Variants in SMO observed in about 807,000 individuals in gnomAD.
SMO encodes the protein protein smoothened.
In SMO, 40 loss-of-function variants were observed where a neutral mutation model predicts 81.6. The ratio of observed to expected loss-of-function variants is 0.49; its 90% CI spans 0.38 to 0.64. The LOEUF is 0.64. Ranked by LOEUF, SMO falls within the 30% of genes least tolerant of loss-of-function variation. SMO has a pLI of 0.00. For synonymous variants in SMO, 434 were observed against 432.1 expected (o/e 1.00, Z -0.05); for missense variants, 916 against 1,061.1 (o/e 0.86, Z 1.90).
chr7:129,211,794 G>A lies in SMO; in HGVS notation c.1936+24G>A, dbSNP rs1793874086. On this transcript the variant is annotated intron_variant, in intron 11 of 11. Coordinates refer to ENST00000249373, the MANE Select transcript of SMO (RefSeq NM_005631.5). This position sits in a 1 kb window ranked among gnomAD's most constrained non-coding sequence, Gnocchi z 4.6. ...AGGTATGAGAGTTCAAGCTTCTGGA[G>A]GAAGGTGGGGGGAGCACAGAGGCTG... 6.2e-7 allele frequency: 1 copy of A among 1,613,606 alleles called. No homozygotes were observed. The highest frequency in any genetic ancestry group is 8.5e-7 in the Non-Finnish European group (1 of 1,179,768).
intron 1 of SMO, among the ~76,000 whole-genome samples, chr7:129,195,895 G>T (rs537325787): frequency 3.3e-5 from 5 of 151,852 alleles, no homozygotes; most frequent in African/African-American, 4.8e-5. Context: ...AGGTCAGGAA[G>T]TCGAGACCAT....
rs377132312 is a variant in SMO, at chr7:129,195,997, A to G, written c.331+6515A>G. On this transcript the variant is annotated intron_variant, in intron 1 of 11. Transcript: ENST00000249373. ...GCGCCTGTAGTCCCAGCTACTCGGG[A>G]GGCTGAGGCAGGAAAATGGTGTGAA... 7.7e-4 allele frequency among the ~76,000 whole-genome samples: 116 copies of G among 150,756 alleles called. 1 individual carries two copies. In the South Asian group the frequency reaches 0.019, roughly 25 times the overall value.
chr7:129,196,462 T>C (rs1793581460), intron 1 of SMO, among the ~76,000 whole-genome samples: 1 of 151,978 alleles, frequency 6.6e-6, no homozygotes, highest in Non-Finnish European at 1.5e-5. Context: ...TGTGTTTTAA[T>C]ATAAAAATAC....
chr7:129,191,500 T>C (rs1276873254), intron 1 of SMO, among the ~76,000 whole-genome samples: 1 of 152,020 alleles, frequency 6.6e-6, no homozygotes, highest in Non-Finnish European at 1.5e-5. Flanking sequence ...TGTTTCCATA[T>C]GTGTTCTGGT....
rs1222449551 is a variant in SMO, at chr7:129,188,721, G to T, written c.-431G>T. Among the ~76,000 whole-genome samples, 2 of 152,108 alleles carry T rather than the reference G, an allele frequency of 1.3e-5. No individual in the cohort carries two copies. Among genetic ancestry groups the T allele is most frequent in the South Asian group, 4.1e-4 (2 of 4,828 alleles). ...GGGGCTGCGGCGCGCTGGGGCGAAG[G>T]TGGCTGCTGGGCCGCGGGCTGGCGC... On this transcript the variant is annotated 5_prime_UTR_variant, in exon 1 of 12. Transcript: ENST00000249373. The surrounding 1 kb of genome is among the most constrained non-coding windows in gnomAD (Gnocchi z 4.9).
chr7:129,212,338 A>G lies in SMO; in HGVS notation c.2251A>G (p.Ser751Gly), dbSNP rs2150657128. Residue 751 changes from serine to glycine, a missense_variant, in exon 12 of 12, where the codon AGT becomes GGT. This residue lies in a region of SMO where 324 missense variants were observed against 312.9 expected (regional missense o/e 1.04). Transcript: ENST00000249373. This position sits in a 1 kb window ranked among gnomAD's most constrained non-coding sequence, Gnocchi z 5.0. Reference sequence around the variant, plus strand: ...TCCCCCTCAGGATCCATTTCTGCCCAGTGCACCGGCCCCCGTGGCATGGGC... The same window carrying G: ...TCCCCCTCAGGATCCATTTCTGCCCGGTGCACCGGCCCCCGTGGCATGGGC... ...PSPPQDPFLPSAPAPVAWAHG... is the reference protein window; with the variant it reads ...PSPPQDPFLPGAPAPVAWAHG... 6.2e-7 allele frequency: 1 copy of G among 1,614,158 alleles called. No individual in the cohort carries two copies.
At chr7:129,203,950 G>A (rs4731563) in intron 2 of SMO, among the ~76,000 whole-genome samples, 3 of 152,042 alleles carry the variant, frequency 2.0e-5, no homozygotes, top group South Asian at 2.1e-4. Flanking sequence ...GACAGGGGAC[G>A]TGAGCTAGTT....
Position 129,203,632 on chromosome 7 carries a change from C to T in SMO, c.537+43C>T, listed in dbSNP as rs1394668209. The T allele has an allele frequency of 2.6e-6, 4 of 1,510,960 alleles. No homozygotes were observed. In the African/African-American group the frequency reaches 4.1e-5, roughly 15 times the overall value. 93.6% of individuals were successfully genotyped at this position (1,510,960 alleles called of 1,614,324 possible). On this transcript the variant is annotated intron_variant, in intron 2 of 11. Transcript: ENST00000249373. ...CAAGGTCCAGGCTCTCTGGGTTGGG[C>T]AGGACCGGGTATAGGGCAGGGTCCA...
chr7:129,205,159 C>T, intron 2 of SMO, 44 bp from the exon 3 acceptor site: 1 of 1,558,948 alleles, frequency 6.4e-7, no homozygotes, highest in East Asian at 2.2e-5. Context: ...AGAGGCTCGT[C>T]CCTGAGCTGC....
chr7:129,196,878 A>T (rs1018089504), intron 1 of SMO, among the ~76,000 whole-genome samples: 4 of 151,924 alleles, frequency 2.6e-5, no homozygotes, highest in Admixed American at 6.6e-5. Context: ...TTAGTCGGGC[A>T]TGGTGGCGGG....
intron 7 of SMO, 194 bp downstream of exon 7, chr7:129,209,045 A>C (rs768765017): frequency 1.1e-5 from 7 of 617,732 alleles, no homozygotes; most frequent in Non-Finnish European, 2.0e-5. Flanking sequence ...GGAAGAATTC[A>C]GTCAAGTTCA....
intron 8 of SMO, chr7:129,209,735 A>G (rs189834333): frequency 1.1e-5 from 3 of 276,948 alleles, no homozygotes; most frequent in Admixed American, 4.7e-5. Context: ...AGCCTGCTTT[A>G]GATCCTGGCA....
rs1267466056 is a variant in SMO at position 129,213,327 on chromosome 7, TGAG to T, written c.*878_*880del. The T allele has an allele frequency of 4.3e-6, 1 of 232,796 alleles. No homozygotes were observed. The highest frequency in any genetic ancestry group is 8.5e-6 in the Non-Finnish European group (1 of 117,832). 14.4% of individuals were successfully genotyped at this position (232,796 alleles called of 1,614,324 possible). On this transcript the variant is annotated 3_prime_UTR_variant, in exon 12 of 12. Coordinates refer to ENST00000249373, the MANE Select transcript of SMO (RefSeq NM_005631.5). ...TAGTGGGGGATGGGTCCTCTAGACT[TGAG>T]GGGCTACCCTGGGAAGCTGCCGTAG...
intron 4 of SMO, 83 bp downstream of exon 4, chr7:129,205,865 T>C (rs1014991009): frequency 7.1e-6 from 9 of 1,276,410 alleles, no homozygotes; most frequent in Non-Finnish European, 9.9e-6. Flanking sequence ...CAGGTGCGTG[T>C]AAAACCGAGA....
Position 129,211,358 on chromosome 7 carries a change from C to G in SMO, c.1801+245C>G, listed in dbSNP as rs1400141253. 2 of 707,938 alleles carry G rather than the reference C, an allele frequency of 2.8e-6. No homozygotes were observed. Among genetic ancestry groups the G allele is most frequent in the Non-Finnish European group, 5.1e-6 (2 of 391,318 alleles). The allele number at this position is 707,938 out of a possible 1,614,324, so 43.9% of individuals were successfully genotyped here. ...TTGGGTTCCAAGAAGACTCCCCTCC[C>G]TCTCCCTTCTCATAAATTCTCCAGT... On this transcript the variant is annotated intron_variant, in intron 10 of 11. Transcript: ENST00000249373. The surrounding 1 kb of genome is among the most constrained non-coding windows in gnomAD (Gnocchi z 4.6).
chr7:129,209,463 C>T (rs1025212304), intron 8 of SMO, 66 bp downstream of exon 8: 21 of 1,020,014 alleles, frequency 2.1e-5, no homozygotes, highest in Non-Finnish European at 2.8e-5. Context: ...ACACCCACCT[C>T]CACCCACCGG....
intron 1 of SMO, among the ~76,000 whole-genome samples, chr7:129,199,972 C>T (rs755665547): frequency 6.6e-6 from 1 of 152,128 alleles, no homozygotes; most frequent in Non-Finnish European, 1.5e-5. Context: ...AGGAAATTAG[C>T]TCTTGTGATA....
chr7:129,200,892 C>T (rs1193250975), intron 1 of SMO, among the ~76,000 whole-genome samples: 7 of 152,158 alleles, frequency 4.6e-5, no homozygotes, highest in East Asian at 1.9e-4. Context: ...TGGACCACCA[C>T]GCCTGGTTAA....
chr7:129,211,884 A>G lies in SMO; in HGVS notation c.1936+114A>G. 2 of 1,463,124 alleles carry G rather than the reference A, an allele frequency of 1.4e-6. No individual in the cohort carries two copies. The highest frequency in any genetic ancestry group is 1.2e-5 in the South Asian group (1 of 85,090). 90.6% of individuals were successfully genotyped at this position (1,463,124 alleles called of 1,614,324 possible). ...GAGGAAGAGGAAGGAAAGGCCCCAGAGGATCTGAAGAGTGGGGCTGAGGCT... is the reference window on the plus strand; with the variant it reads ...GAGGAAGAGGAAGGAAAGGCCCCAGGGGATCTGAAGAGTGGGGCTGAGGCT... On this transcript the variant is annotated intron_variant, in intron 11 of 11. Transcript: ENST00000249373. The surrounding 1 kb of genome is among the most constrained non-coding windows in gnomAD (Gnocchi z 4.6).
Sources: gnomAD v4.1 joint callset for allele counts (sites outside exome capture counted in the v4.1 genomes callset) on GRCh38, gnomAD v4.1.1 for gene constraint, gnomAD v4.1.1 regional missense constraint, Gnocchi (gnomAD v3.1) non-coding constraint, MANE v1.5 for transcripts, NCBI Gene and HGNC (gene_info 2026-07-23, HGNC 2026-07-21) for gene names.